Variants in CFAP54 observed in about 807,000 individuals in gnomAD.
CFAP54 encodes the protein cilia- and flagella-associated protein 54.
Under a neutral mutation model 370.4 loss-of-function variants are expected in CFAP54, and 290 were observed. That is an observed-to-expected ratio of 0.78 (90% CI 0.71 to 0.86). The LOEUF (loss-of-function observed/expected upper bound fraction) is 0.86. CFAP54 is among the 40% of genes least tolerant of loss of function. CFAP54 has a pLI of 0.00. For missense variants in CFAP54, 3,399 were observed against 3,528.7 expected, an observed-to-expected ratio of 0.96 and a Z score of 0.93; for synonymous variants, 1,206 against 1,236.5, an observed-to-expected ratio of 0.98 and a Z score of 0.52.
intron 50 of CFAP54, among the ~76,000 whole-genome samples, chr12:96,726,679 G>T (rs1857929495): frequency 6.6e-6 from 1 of 151,818 alleles, no homozygotes; most frequent in Non-Finnish European, 1.5e-5. Context: ...ATTTCCTTCA[G>T]TTCTGCTCTG....
At chr12:96,827,705 T>TTA (rs1959133164) in intron 65 of CFAP54, among the ~76,000 whole-genome samples, 3 of 125,360 alleles carry the variant, frequency 2.4e-5, no homozygotes, top group African/African-American at 8.9e-5. Context: ...TATATTATAT[T>TTA]ATATATAATT....
chr12:96,863,667 A>G (rs1959934487), intron 67 of CFAP54, among the ~76,000 whole-genome samples: 1 of 152,202 alleles, frequency 6.6e-6, no homozygotes, highest in Admixed American at 6.5e-5. Context: ...TTAAAAAATG[A>G]CTTGCAGATC....
At chr12:96,802,871 C>G (rs1205844273) in intron 63 of CFAP54, among the ~76,000 whole-genome samples, 2 of 152,036 alleles carry the variant, frequency 1.3e-5, no homozygotes, top group African/African-American at 4.8e-5. Flanking sequence ...CTGTTCCCCT[C>G]CCTGTGTCCA....
In CFAP54 at chr12:96,554,790, G is replaced by A; in HGVS notation, c.2398G>A (p.Asp800Asn). The A allele has an allele frequency of 1.3e-6, 2 of 1,533,418 alleles. No homozygotes were observed. Among genetic ancestry groups the A allele is most frequent in the Non-Finnish European group, 1.7e-6 (2 of 1,145,266 alleles). 95.0% of individuals were successfully genotyped at this position (1,533,418 alleles called of 1,614,324 possible). Residue 800 changes from aspartate to asparagine, a missense_variant, in exon 17 of 68, where the codon GAC (aspartate) becomes AAC (asparagine). Coordinates refer to ENST00000524981, the MANE Select transcript of CFAP54 (RefSeq NM_001306084.2). ...GCATCGAATAGCTGTTGTGCTTCTGGACAAATTGCAAGGTAGTAGTCACTA... is the reference window on the plus strand; with the variant it reads ...GCATCGAATAGCTGTTGTGCTTCTGAACAAATTGCAAGGTAGTAGTCACTA... ...AQHRIAVVLL[D>N]KLQVLQTPTV...
At chr12:96,527,051 A>T (rs1955390495) in intron 8 of CFAP54, among the ~76,000 whole-genome samples, 195 bp from the exon 9 acceptor site, 1 of 151,836 alleles carries the variant, frequency 6.6e-6, no homozygotes, top group Non-Finnish European at 1.5e-5. Flanking sequence ...ACATTCCAAC[A>T]TGCCTGGCCA....
At chr12:96,506,104 C>T (rs903750841) in intron 3 of CFAP54, among the ~76,000 whole-genome samples, 2 of 152,130 alleles carry the variant, frequency 1.3e-5, no homozygotes, top group Admixed American at 6.5e-5. Context: ...CTTTGGGAGG[C>T]CGAGGCAGGC....
At chr12:96,550,586 A>G (rs1955683518) in intron 15 of CFAP54, among the ~76,000 whole-genome samples, 1 of 152,188 alleles carries the variant, frequency 6.6e-6, no homozygotes, top group Non-Finnish European at 1.5e-5. Flanking sequence ...CAAAAAATAA[A>G]AAAATAAATA....
chr12:96,735,717 A>C (rs192327326), intron 50 of CFAP54, among the ~76,000 whole-genome samples: 11 of 152,346 alleles, frequency 7.2e-5, no homozygotes, highest in Non-Finnish European at 1.5e-5. Context: ...AAAAATTATG[A>C]AATTCTTCAT....
chr12:96,602,032 C>A (rs1956248146), intron 26 of CFAP54, among the ~76,000 whole-genome samples: 1 of 152,110 alleles, frequency 6.6e-6, no homozygotes. Flanking sequence ...TTCTCTATTT[C>A]TTTTAATTGT....
At chr12:96,495,834 GA>G (rs1200263526) in intron 1 of CFAP54, among the ~76,000 whole-genome samples, 2 of 152,034 alleles carry the variant, frequency 1.3e-5, no homozygotes, top group African/African-American at 4.8e-5. Context: ...AATCTTGATT[GA>G]TTTAACAAAG....
At chr12:96,675,379 C>T (rs1429028842) in intron 39 of CFAP54, among the ~76,000 whole-genome samples, 7 of 152,152 alleles carry the variant, frequency 4.6e-5, no homozygotes, top group Admixed American at 2.0e-4. Flanking sequence ...AAATCAAAAC[C>T]ACAATGAGAT....
At chr12:96,844,488 G>T (rs552441989) in intron 66 of CFAP54, among the ~76,000 whole-genome samples, 1 of 152,252 alleles carries the variant, frequency 6.6e-6, no homozygotes, top group African/African-American at 2.4e-5. Flanking sequence ...CTTTAGCCCA[G>T]GGAAATGATT....
intron 17 of CFAP54, among the ~76,000 whole-genome samples, chr12:96,559,636 T>C (rs1438131142): frequency 6.6e-6 from 1 of 152,110 alleles, no homozygotes; most frequent in East Asian, 1.9e-4. Context: ...TATATACCTA[T>C]TATATCAATA....
At chr12:96,709,692 T>C (rs1328851229) in intron 48 of CFAP54, among the ~76,000 whole-genome samples, 1 of 124,594 alleles carries the variant, frequency 8.0e-6, no homozygotes, top group East Asian at 2.5e-4. Context: ...AAGTCCCACT[T>C]GATCATGGTT....
intron 58 of CFAP54, among the ~76,000 whole-genome samples, chr12:96,758,802 C>A (rs1322620879): frequency 6.6e-6 from 1 of 152,074 alleles, no homozygotes; most frequent in African/African-American, 2.4e-5. Context: ...TGTGAAATGG[C>A]AGACTCTGAT....
intron 12 of CFAP54, 89 bp downstream of exon 12, chr12:96,535,689 T>TA: frequency 1.3e-6 from 1 of 755,618 alleles, no homozygotes; most frequent in Admixed American, 2.9e-5. Flanking sequence ...TCACAGGAAT[T>TA]ACGCCTTGCT....
At position 96,693,790 on chromosome 12, in the gene CFAP54, A is replaced by G; in HGVS notation, c.6333A>G (p.Leu2111=). The part of the protein sequence containing the change: ...SGICQDITRN[L]EARILKIEVL... ...TTTGTCAAGACATAACAAGAAATCT[A>G]GAAGCAAGAATCCTCAAGGTATGTT... Residue 2111 remains leucine (L), a synonymous_variant, in exon 45 of 68, where the codon CTA becomes CTG. Coordinates refer to ENST00000524981, the MANE Select transcript of CFAP54 (RefSeq NM_001306084.2). 3 of 1,586,706 alleles carry G rather than the reference A, an allele frequency of 1.9e-6. No homozygotes were observed. Among genetic ancestry groups the G allele is most frequent in the Non-Finnish European group, 1.7e-6 (2 of 1,156,886 alleles).
At chr12:96,664,731 A>G (rs375464184) in intron 39 of CFAP54, among the ~76,000 whole-genome samples, 1 of 23,332 alleles carries the variant, frequency 4.3e-5, no homozygotes, top group Non-Finnish European at 7.5e-5. Context: ...ATATCTATAT[A>G]TATATATCTA....
At chr12:96,524,535 C>T (rs1419198263) in intron 8 of CFAP54, among the ~76,000 whole-genome samples, 1 of 152,140 alleles carries the variant, frequency 6.6e-6, no homozygotes, top group Non-Finnish European at 1.5e-5. Flanking sequence ...TACTAAATTG[C>T]AGCCCTGGCT....
Sources: gnomAD v4.1 joint callset for allele counts (sites outside exome capture counted in the v4.1 genomes callset) on GRCh38, gnomAD v4.1.1 for gene constraint, MANE v1.5 for transcripts, NCBI Gene and HGNC (gene_info 2026-07-23, HGNC 2026-07-21) for gene names.